L3MBTL4: variants seen among roughly 807,000 people sequenced by gnomAD.
L3MBTL4 encodes lethal(3)malignant brain tumor-like protein 4.
Under a neutral mutation model 84.5 loss-of-function variants are expected in L3MBTL4, and 70 were observed. The observed-to-expected ratio is 0.83, with a 90% CI of 0.68 to 1.01. The LOEUF is 1.01. Ranked by LOEUF, L3MBTL4 falls within the 50% of genes least tolerant of loss-of-function variation. The pLI is 0.00. For synonymous variants in L3MBTL4, 274 were observed against 259.8 expected (o/e 1.05, Z -0.52); for missense variants, 715 against 754.8 (o/e 0.95, Z 0.62).
chr18:6,211,613 G>A (rs1431629426), intron 12 of L3MBTL4, among the ~76,000 whole-genome samples: 3 of 151,648 alleles, frequency 2.0e-5, no homozygotes, highest in African/African-American at 7.3e-5. Flanking sequence ...CAGATTTGAT[G>A]TGCTATTATG....
chr18:6,093,707 C>T (rs1272626039), intron 14 of L3MBTL4, among the ~76,000 whole-genome samples, 179 bp from the exon 15 acceptor site: 1 of 152,202 alleles, frequency 6.6e-6, no homozygotes, highest in African/African-American at 2.4e-5. Context: ...ATCTCAGGTT[C>T]TAGAACCACA....
intron 16 of L3MBTL4, among the ~76,000 whole-genome samples, chr18:6,011,060 G>T (rs2054713215): frequency 6.6e-6 from 1 of 152,174 alleles, no homozygotes. Flanking sequence ...CTAAGTGCCG[G>T]CATGGGAAGG....
At chr18:6,152,553 A>G (rs553236455) in intron 13 of L3MBTL4, among the ~76,000 whole-genome samples, 280 of 152,298 alleles carry the variant, frequency 1.8e-3, no homozygotes, top group Non-Finnish European at 3.1e-3. Flanking sequence ...TCAGAAAAAA[A>G]AGTCCATCCA....
chr18:6,092,991 G>C (rs1325464653), intron 15 of L3MBTL4, among the ~76,000 whole-genome samples: 1 of 152,134 alleles, frequency 6.6e-6, no homozygotes, highest in East Asian at 1.9e-4. Flanking sequence ...AGAAGATACA[G>C]ATACTTGTCC....
intron 16 of L3MBTL4, among the ~76,000 whole-genome samples, chr18:6,065,436 C>T (rs369598189): frequency 1.9e-4 from 29 of 151,912 alleles, no homozygotes; most frequent in Middle Eastern, 3.4e-3. Context: ...AATTCTTCTT[C>T]GAATGTTTGG....
intron 14 of L3MBTL4, among the ~76,000 whole-genome samples, chr18:6,099,159 T>A (rs556600571): frequency 9.5e-4 from 145 of 152,286 alleles, no homozygotes; most frequent in Admixed American, 2.2e-3. Context: ...CCCCACACGC[T>A]GTTTCCCTCC....
At chr18:6,077,434 C>T (rs898816494) in intron 16 of L3MBTL4, among the ~76,000 whole-genome samples, 2 of 151,666 alleles carry the variant, frequency 1.3e-5, no homozygotes, top group South Asian at 2.1e-4. Context: ...TATATTATTG[C>T]GATATATGTT....
chr18:6,265,670 C>T (rs1221254680), intron 4 of L3MBTL4, among the ~76,000 whole-genome samples: 1 of 152,108 alleles, frequency 6.6e-6, no homozygotes, highest in Non-Finnish European at 1.5e-5. Flanking sequence ...TGTGTCCTTA[C>T]TTATGCTAAG....
At chr18:6,218,898 G>A (rs1478506421) in intron 10 of L3MBTL4, among the ~76,000 whole-genome samples, 3 of 152,126 alleles carry the variant, frequency 2.0e-5, no homozygotes, top group African/African-American at 7.2e-5. Context: ...CAGCAATACC[G>A]TGGAAGAAGC....
chr18:6,048,642 A>T (rs1390868955), intron 16 of L3MBTL4, among the ~76,000 whole-genome samples: 2 of 152,076 alleles, frequency 1.3e-5, no homozygotes, highest in Non-Finnish European at 2.9e-5. Flanking sequence ...ACTAAAAATT[A>T]GCCGGGTGTG....
chr18:6,161,602 T>C (rs1428470269), intron 13 of L3MBTL4, among the ~76,000 whole-genome samples: 2 of 152,196 alleles, frequency 1.3e-5, no homozygotes, highest in African/African-American at 4.8e-5. Context: ...AAAATTTTAA[T>C]AAGTTCTAAT....
chr18:6,149,172 A>G (rs1022769110), intron 13 of L3MBTL4, among the ~76,000 whole-genome samples: 1 of 149,482 alleles, frequency 6.7e-6, no homozygotes, highest in African/African-American at 2.4e-5. Context: ...AGCATTAGGT[A>G]TATCTCCCAA....
At chr18:6,031,554 A>G in intron 16 of L3MBTL4, 1 of 962,540 alleles carries the variant, frequency 1.0e-6, no homozygotes, top group Non-Finnish European at 1.2e-6. Flanking sequence ...TGGGCCGGTC[A>G]GTTCTGATTT....
chr18:6,251,969 G>A (rs2047941265), intron 5 of L3MBTL4, among the ~76,000 whole-genome samples: 1 of 152,162 alleles, frequency 6.6e-6, no homozygotes, highest in South Asian at 2.1e-4. Context: ...AATACTTTTA[G>A]ATGGAGAAGT....
intron 16 of L3MBTL4, among the ~76,000 whole-genome samples, chr18:6,018,847 C>T (rs2055118962): frequency 6.6e-6 from 1 of 152,146 alleles, no homozygotes; most frequent in African/African-American, 2.4e-5. Context: ...GCAAGGATTC[C>T]AGCAAAGATG....
At chr18:6,049,985 T>C (rs1408375453) in intron 16 of L3MBTL4, among the ~76,000 whole-genome samples, 1 of 152,332 alleles carries the variant, frequency 6.6e-6, no homozygotes, top group Non-Finnish European at 1.5e-5. Flanking sequence ...TACAAATTTT[T>C]AACTGATCAG....
At chr18:6,078,649 G>A (rs544431898) in intron 16 of L3MBTL4, among the ~76,000 whole-genome samples, 8 of 152,054 alleles carry the variant, frequency 5.3e-5, no homozygotes, top group African/African-American at 1.5e-4. Flanking sequence ...AAAGTACAGC[G>A]GTCCCCAACC....
At chr18:6,200,855 G>A (rs1420756577) in intron 12 of L3MBTL4, among the ~76,000 whole-genome samples, 5 of 152,192 alleles carry the variant, frequency 3.3e-5, no homozygotes, top group East Asian at 3.9e-4. Flanking sequence ...TAAGAAATAT[G>A]TAGGGAGTGT....
chr18:6,209,445 C>CAAAAAAAAAAAAAAAAAAAAAA (rs60613997), intron 12 of L3MBTL4, among the ~76,000 whole-genome samples: 3 of 113,996 alleles, frequency 2.6e-5, no homozygotes, highest in African/African-American at 9.2e-5. Context: ...ACTAAACTGG[C>CAAAAAAAAAAAAAAAAAAAAAA]AAAAAAAAAA....
Sources: gnomAD v4.1 joint callset for allele counts (sites outside exome capture counted in the v4.1 genomes callset) on GRCh38, gnomAD v4.1.1 for gene constraint, MANE v1.5 for transcripts, NCBI Gene and HGNC (gene_info 2026-07-23, HGNC 2026-07-21) for gene names.